RSKR: variants seen among roughly 807,000 people sequenced by gnomAD.
RSKR encodes ribosomal protein S6 kinase related, also known as ribosomal protein S6 kinase-related protein.
RSKR carries 44 observed loss-of-function variants against 56.8 expected under a neutral mutation model. That is an observed-to-expected ratio of 0.77 (90% CI 0.61 to 1.00). The LOEUF (loss-of-function observed/expected upper bound fraction) is 1.00. RSKR is among the 50% of genes least tolerant of loss of function. The pLI, the probability that RSKR is intolerant of heterozygous loss-of-function variation, is 0.00. For missense variants in RSKR, 510 were observed against 506.9 expected (o/e 1.01, Z -0.06); for synonymous variants, 181 against 188.0 (o/e 0.96, Z 0.30).
In RSKR at chr17:28,612,081, TA is replaced by T; in HGVS notation, c.655del (p.Tyr219IlefsTer12). 1.2e-6 allele frequency: 2 copies of T among 1,614,248 alleles called. No individual in the cohort carries two copies. Among genetic ancestry groups the T allele is most frequent in the African/African-American group, 2.7e-5 (2 of 75,072 alleles). ...ATGCATGATGCCCAAGTCATGGAGA[TA>T]ACCTGTGGATAACAAGTATGGGGTA... ...FAAELVLVLC[Y>X]LHDLGIMHRD... On this transcript the variant is annotated frameshift_variant and splice_region_variant, in exon 7 of 12. Transcript: ENST00000301037. LOFTEE classifies it high-confidence loss of function.
At position 28,610,700 on chromosome 17, in the gene RSKR, C is replaced by G; in HGVS notation, c.1012-1G>C. The G allele has an allele frequency of 2.0e-6, 3 of 1,535,876 alleles. No individual in the cohort carries two copies. Among genetic ancestry groups the G allele is most frequent in the Non-Finnish European group, 2.6e-6 (3 of 1,146,794 alleles). On this transcript the variant is annotated splice_acceptor_variant, in intron 11 of 11. Coordinates refer to ENST00000301037, the MANE Select transcript of RSKR (RefSeq NM_001174103.2). LOFTEE classifies it high-confidence loss of function. ...GATGGAGGGGGTTCTGGCATAAGAG[C>G]TGAAGGAAAATAGAGCATGAAGGAT... is the stretch of plus-strand genomic sequence containing the variant.
rs2070861084 is a variant in RSKR, at chr17:28,613,642, A to C, written c.122T>G (p.Leu41Arg). Reference sequence around the variant, plus strand: ...CCTGATGGTTCCCAAACCTGTCCAGAGGCTCTTCCAGCCTCGGGCCCAGGG... The same window carrying C: ...CCTGATGGTTCCCAAACCTGTCCAGCGGCTCTTCCAGCCTCGGGCCCAGGG... ...RGPWARGWKS[L>R]WTGLGTIRSD... The change falls in exon 2 of 12, where the codon CTC (leucine) becomes CGC (arginine). Residue 41 changes from leucine to arginine, a missense_variant. Leu to Arg is a moderately radical substitution (Grantham distance 102, BLOSUM62 -2). Transcript: ENST00000301037. The C allele has an allele frequency of 6.2e-7, 1 of 1,614,108 alleles. No homozygotes were observed. Among genetic ancestry groups the C allele is most frequent in the East Asian group, 2.2e-5 (1 of 44,870 alleles).
intron 11 of RSKR, 130 bp downstream of exon 11, chr17:28,611,013 A>G: frequency 2.5e-6 from 2 of 802,048 alleles, no homozygotes; most frequent in Non-Finnish European, 2.0e-6. Context: ...TTAGATGGCA[A>G]GTAGTTAGGT....
intron 11 of RSKR, 95 bp from the exon 12 acceptor site, chr17:28,610,794 G>A: frequency 8.1e-7 from 1 of 1,240,756 alleles, no homozygotes; most frequent in Non-Finnish European, 1.1e-6. Flanking sequence ...TGGAGCTGTG[G>A]AGGGTAGGAA....
At position 28,613,512 on chromosome 17, in the gene RSKR, T is replaced by C. The variant is rs764113277; in HGVS notation, c.252A>G (p.Pro84=). 1 of 1,614,112 alleles carries C rather than the reference T, an allele frequency of 6.2e-7. No individual in the cohort carries two copies. The highest frequency in any genetic ancestry group is 8.5e-7 in the Non-Finnish European group (1 of 1,180,046). Residue 84 remains proline, a synonymous_variant, in exon 2 of 12, where the codon CCA becomes CCG. Transcript: ENST00000301037. ...VLVEKPLPEW[P]VPQFINLFLP... ...GAAAGAGGTTGATGAACTGAGGCAC[T>C]GGCCACTCTGGCAGAGGCTTCTCTA...
At chr17:28,614,062 A>T (rs780693094) in intron 1 of RSKR, 25 bp downstream of exon 1, 1 of 1,608,442 alleles carries the variant, frequency 6.2e-7, no homozygotes, top group Non-Finnish European at 8.5e-7. Context: ...TCCCCTCAGT[A>T]GGCTGCCAGA....
chr17:28,612,592 G>T (rs1185882929), intron 5 of RSKR, 26 bp downstream of exon 5: 3 of 1,610,032 alleles, frequency 1.9e-6, no homozygotes, highest in Non-Finnish European at 2.6e-6. Context: ...GACCCTGGGG[G>T]ATGAGGAGAG....
rs1217415868 is a variant in RSKR at position 28,608,845 on chromosome 17, AAAT to A, written c.*1630_*1632del. 3 of 152,114 alleles carry A rather than the reference AAAT, an allele frequency of 2.0e-5. No homozygotes were observed. Among genetic ancestry groups the A allele is most frequent in the Non-Finnish European group, 4.4e-5 (3 of 68,016 alleles). 9.4% of individuals were successfully genotyped at this position (152,114 alleles called of 1,614,324 possible). On this transcript the variant is annotated 3_prime_UTR_variant, in exon 12 of 12. Coordinates refer to ENST00000301037, the MANE Select transcript of RSKR (RefSeq NM_001174103.2). ...TTGTCTAGAGAGATTAGATGTAACT[AAAT>A]AATATGGTCTAGATTAAAACTTACT... is the stretch of plus-strand genomic sequence containing the variant.
Position 28,610,619 on chromosome 17 carries a change from G to A in RSKR, c.1092C>T (p.Phe364=), listed in dbSNP as rs185309298. 84 of 1,536,038 alleles carry A rather than the reference G, an allele frequency of 5.5e-5. No homozygotes were observed. The Admixed American group carries it at 6.7e-4, about 12-fold the overall frequency. ...QVHPFFRGVA[F]DPELLQKQPV... ...GCTGCTTCTGTAGGAGCTCTGGGTC[G>A]AAGGCCACACCCCGAAAGAAAGGGT... The change falls in exon 12 of 12, where the codon TTC becomes TTT. Residue 364 remains phenylalanine (F), a synonymous_variant. Transcript: ENST00000301037.
Position 28,610,255 on chromosome 17 carries a change from T to G in RSKR, c.*223A>C. 3 of 541,710 alleles carry G rather than the reference T, an allele frequency of 5.5e-6. No individual in the cohort carries two copies. The highest frequency in any genetic ancestry group is 3.1e-5 in the Admixed American group (1 of 32,346). 33.6% of individuals were successfully genotyped at this position (541,710 alleles called of 1,614,324 possible). On this transcript the variant is annotated 3_prime_UTR_variant, in exon 12 of 12. Transcript: ENST00000301037. ...AAAAGGTCACCACCCTGATCTGACA[T>G]GTTGAATTGAGAGGTAGGTTGTATG...
chr17:28,613,058 T>G lies in RSKR; in HGVS notation c.477+20A>C, dbSNP rs747027808. 6.2e-6 allele frequency: 10 copies of G among 1,613,362 alleles called. No individual in the cohort carries two copies. Among genetic ancestry groups the G allele is most frequent in the Non-Finnish European group, 8.5e-6 (10 of 1,179,474 alleles). On this transcript the variant is annotated intron_variant, in intron 4 of 11. Coordinates refer to ENST00000301037, the MANE Select transcript of RSKR (RefSeq NM_001174103.2). ...GTGGCCTAGCTCTTCCCACAATCCTTTCCAGGACTCTGTGCATACCTGGAT... is the reference window on the plus strand; with the variant it reads ...GTGGCCTAGCTCTTCCCACAATCCTGTCCAGGACTCTGTGCATACCTGGAT...
In RSKR at chr17:28,610,608, A is replaced by C. The variant is rs771931562; in HGVS notation, c.1103T>G (p.Leu368Arg). Residue 368 changes from leucine to arginine, a missense_variant, in exon 12 of 12, where the codon CTC (leucine) becomes CGC (arginine). Leu to Arg is a moderately radical substitution (Grantham distance 102). Transcript: ENST00000301037. Reference sequence around the variant, plus strand: ...AAAGTTCACTGGCTGCTTCTGTAGGAGCTCTGGGTCGAAGGCCACACCCCG... The same window carrying C: ...AAAGTTCACTGGCTGCTTCTGTAGGCGCTCTGGGTCGAAGGCCACACCCCG... ...FFRGVAFDPELLQKQPVNFVT... is the reference protein window; with the variant it reads ...FFRGVAFDPERLQKQPVNFVT... The C allele has an allele frequency of 8.4e-5, 129 of 1,535,814 alleles. 1 individual carries two copies. In the Middle Eastern group the frequency reaches 1.5e-3, roughly 18 times the overall value.
In RSKR at chr17:28,608,797, A is replaced by G. The variant is rs1431882169; in HGVS notation, c.*1681T>C. On this transcript the variant is annotated 3_prime_UTR_variant, in exon 12 of 12. Transcript: ENST00000301037. ...GAGACAAAATTAATAAATAGAACTA[A>G]AGAGTACTCTCCAGACTGTCTTTTG... 1.3e-5 allele frequency: 2 copies of G among 152,174 alleles called. No homozygotes were observed. Among genetic ancestry groups the G allele is most frequent in the African/African-American group, 4.8e-5 (2 of 41,450 alleles). 9.4% of individuals were successfully genotyped at this position (152,174 alleles called of 1,614,324 possible).
At chr17:28,610,945 T>C in intron 11 of RSKR, 198 bp downstream of exon 11, 1 of 655,322 alleles carries the variant, frequency 1.5e-6, no homozygotes. Flanking sequence ...GACCTCTCTG[T>C]TCTAGATGGG....
Position 28,613,824 on chromosome 17 carries a change from A to T in RSKR, c.76-136T>A, listed in dbSNP as rs2070864944. 4.6e-6 allele frequency: 6 copies of T among 1,293,410 alleles called. No individual in the cohort carries two copies. The East Asian group carries it at 1.5e-4, about 32-fold the overall frequency. The allele number at this position is 1,293,410 out of a possible 1,614,324, so 80.1% of individuals were successfully genotyped here. A position where few individuals can be genotyped will look rare whatever the true frequency, so the allele number is the denominator to read the frequency against. On this transcript the variant is annotated intron_variant, in intron 1 of 11. Coordinates refer to ENST00000301037, the MANE Select transcript of RSKR (RefSeq NM_001174103.2). ...TTGAGCATGAGGCAAAATTCCCATT[A>T]CCCTTGCTTTGTGCTAAGCCCCAGA...
rs1249579722 is a variant in RSKR, at chr17:28,614,022, C to T, written c.75+65G>A. 5 of 1,584,500 alleles carry T rather than the reference C, an allele frequency of 3.2e-6. No individual in the cohort carries two copies. The East Asian group carries it at 9.0e-5, about 29-fold the overall frequency. On this transcript the variant is annotated intron_variant, in intron 1 of 11. Transcript: ENST00000301037. ...CTTCCATGCTCCTAACCAGGAACTT[C>T]CCAGGACTCAAGCCCATGTCTCCCT...
Position 28,613,090 on chromosome 17 carries a change from C to A in RSKR, c.465G>T (p.Glu155Asp). The A allele has an allele frequency of 6.2e-7, 1 of 1,614,128 alleles. No individual in the cohort carries two copies. The highest frequency in any genetic ancestry group is 2.2e-5 in the East Asian group (1 of 44,888). The change falls in exon 4 of 12, where the codon GAG becomes GAT. Residue 155 changes from glutamate (E) to aspartate (D), a missense_variant. By Grantham distance (45) the Glu-to-Asp change is conservative. Transcript: ENST00000301037. The stretch of plus-strand genomic sequence containing the variant: ...ACTCTGTGCATACCTGGATGCTAAC[C>A]TCCTCTTTGCACTGCCTCACGGTAT... Reference protein sequence around the residue: ...QRDTVRQCKEEVSIQRQINHP... With the variant: ...QRDTVRQCKEDVSIQRQINHP...
In RSKR at chr17:28,613,618, C is replaced by T. The variant is rs2070860435; in HGVS notation, c.146G>A (p.Arg49Lys). 6.2e-7 allele frequency: 1 copy of T among 1,614,020 alleles called. No homozygotes were observed. Among genetic ancestry groups the T allele is most frequent in the African/African-American group, 1.3e-5 (1 of 74,900 alleles). Reference protein sequence around the residue: ...KSLWTGLGTIRSDLEELWELR... With the variant: ...KSLWTGLGTIKSDLEELWELR... ...TTCCCAGAGTTCTTCCAGATCTGAC[C>T]TGATGGTTCCCAAACCTGTCCAGAG... Residue 49 changes from arginine (R) to lysine (K), a missense_variant, in exon 2 of 12, where the codon AGG becomes AAG. Transcript: ENST00000301037.
At position 28,614,112 on chromosome 17, in the gene RSKR, T is replaced by C. The variant is rs767068996; in HGVS notation, c.50A>G (p.His17Arg). 2 of 1,613,662 alleles carry C rather than the reference T, an allele frequency of 1.2e-6. No individual in the cohort carries two copies. Among genetic ancestry groups the C allele is most frequent in the Non-Finnish European group, 1.7e-6 (2 of 1,179,926 alleles). The change falls in exon 1 of 12, where the codon CAC becomes CGC. Residue 17 changes from histidine (H) to arginine (R), a missense_variant. Transcript: ENST00000301037. ...RQGQHTQQGE[H>R]TRVAVPHKQG... ...CTTGTGAGGGACAGCCACCCGGGTG[T>C]GTTCCCCCTGCTGGGTGTGCTGCCC...
Sources: gnomAD v4.1 joint callset for allele counts on GRCh38, gnomAD v4.1.1 for gene constraint, MANE v1.5 for transcripts, NCBI Gene and HGNC (gene_info 2026-07-23, HGNC 2026-07-21) for gene names.